KIAA1217: variants seen among roughly 807,000 people sequenced by gnomAD.
KIAA1217 encodes sickle tail protein homolog.
KIAA1217 carries 88 observed loss-of-function variants against 163.9 expected under a neutral mutation model. That is an observed-to-expected ratio of 0.54 (90% CI 0.45 to 0.64). The LOEUF is 0.64. KIAA1217 is among the 30% of genes least tolerant of loss of function. The pLI is 0.00. For missense variants in KIAA1217, 2,372 were observed against 2,475.0 expected (o/e 0.96, Z 0.88); for synonymous variants, 903 against 923.1 (o/e 0.98, Z 0.39).
rs1330907642 is a variant in KIAA1217, at chr10:24,474,005, G to A, written c.1624G>A (p.Glu542Lys). ...SLVDLGPPLM[E>K]KQVFAYSTAT... is the part of the protein sequence containing the mutation. Reference sequence around the variant, plus strand: ...TGTAGACCTCGGCCCTCCTCTAATGGAGAAGCAAGTTTTTGCCTACAGCAC... The same window carrying A: ...TGTAGACCTCGGCCCTCCTCTAATGAAGAAGCAAGTTTTTGCCTACAGCAC... Residue 542 changes from glutamate to lysine, a missense_variant, in exon 6 of 21, where the codon GAG becomes AAG. Physicochemically the swap from Glu to Lys is moderately conservative, Grantham distance 56. Around this residue, in one of 3 missense-constraint regions of KIAA1217, gnomAD observed 1,431 missense variants for 1,470.3 expected, o/e 0.97. Transcript: ENST00000376454. 4 of 1,611,892 alleles carry A rather than the reference G, an allele frequency of 2.5e-6. No individual in the cohort carries two copies. Among genetic ancestry groups the A allele is most frequent in the African/African-American group, 1.3e-5 (1 of 74,560 alleles).
chr10:23,990,330 T>A (rs891069280), intron 1 of KIAA1217, among the ~76,000 whole-genome samples: 1 of 152,222 alleles, frequency 6.6e-6, no homozygotes, highest in African/African-American at 2.4e-5. Context: ...TCTTTCTATT[T>A]GTCAGTTCTG....
intron 2 of KIAA1217, among the ~76,000 whole-genome samples, chr10:24,136,344 G>A (rs561337360): frequency 6.6e-5 from 10 of 152,168 alleles, no homozygotes; most frequent in South Asian, 2.1e-4. Flanking sequence ...AGAGGAAGGG[G>A]AGGGGAGTGG....
chr10:24,249,165 C>T (rs1426923499), intron 2 of KIAA1217, among the ~76,000 whole-genome samples: 1 of 152,166 alleles, frequency 6.6e-6, no homozygotes, highest in Non-Finnish European at 1.5e-5. Context: ...CTTATGTTTT[C>T]CCTGGACATA....
At chr10:24,234,479 T>C (rs1439989155) in intron 2 of KIAA1217, among the ~76,000 whole-genome samples, 1 of 151,656 alleles carries the variant, frequency 6.6e-6, no homozygotes, top group Non-Finnish European at 1.5e-5. Flanking sequence ...GCCTGGCCAA[T>C]ATGGTGAAAC....
intron 2 of KIAA1217, among the ~76,000 whole-genome samples, chr10:24,338,504 T>C (rs1353913153): frequency 6.6e-6 from 1 of 152,184 alleles, no homozygotes; most frequent in African/African-American, 2.4e-5. Flanking sequence ...AGAAAGCACC[T>C]CATGAAATTA....
chr10:23,955,379 T>C (rs1265843984), intron 1 of KIAA1217, among the ~76,000 whole-genome samples: 2 of 152,220 alleles, frequency 1.3e-5, no homozygotes, highest in Non-Finnish European at 2.9e-5. Flanking sequence ...TCCAAGGGGA[T>C]AGCTTCCCTC....
In KIAA1217 at chr10:23,790,283, G is replaced by GCACATATGCATATA; in HGVS notation, c.-321+95062_-321+95063insACACATATGCATAT. ...CATATGCATATGCACATATGCATAT[G>GCACATATGCATATA]CACATATGCATATGCACATATGCAT... is the stretch of plus-strand genomic sequence containing the variant. On this transcript the variant is annotated intron_variant, in intron 1 of 18. Coordinates refer to the KIAA1217 transcript ENST00000376462. Among the ~76,000 whole-genome samples, 4 of 1,274 alleles carry GCACATATGCATATA rather than the reference G, an allele frequency of 3.1e-3. 2 individuals are homozygous for GCACATATGCATATA. Among genetic ancestry groups the GCACATATGCATATA allele is most frequent in the Non-Finnish European group, 6.0e-3 (4 of 662 alleles). The allele number at this position is 1,274 out of a possible 152,430, so 0.8% of individuals were successfully genotyped here. A position where few individuals can be genotyped will look rare whatever the true frequency, so the allele number is the denominator to read the frequency against.
intron 2 of KIAA1217, among the ~76,000 whole-genome samples, chr10:24,025,323 A>G (rs980993919): frequency 6.6e-6 from 1 of 151,722 alleles, no homozygotes; most frequent in Non-Finnish European, 1.5e-5. Context: ...TCAATTGACC[A>G]CATATGTGTG....
At chr10:24,519,828 T>C (rs925467737) in intron 10 of KIAA1217, among the ~76,000 whole-genome samples, 1 of 152,080 alleles carries the variant, frequency 6.6e-6, no homozygotes, top group African/African-American at 2.4e-5. Context: ...TCTGTTGGCA[T>C]CAGCACCACT....
chr10:23,733,583 C>T (rs1278100030), intron 1 of KIAA1217, among the ~76,000 whole-genome samples: 1 of 151,722 alleles, frequency 6.6e-6, no homozygotes, highest in Non-Finnish European at 1.5e-5. Context: ...AGTTGTTATG[C>T]TGTGTTTGTT....
At chr10:24,185,687 C>G (rs932251409) in intron 2 of KIAA1217, among the ~76,000 whole-genome samples, 1 of 151,938 alleles carries the variant, frequency 6.6e-6, no homozygotes, top group Non-Finnish European at 1.5e-5. Flanking sequence ...TGCAGCTACT[C>G]GGGAGGTTGA....
intron 9 of KIAA1217, among the ~76,000 whole-genome samples, chr10:24,505,505 T>C (rs1745248344): frequency 6.6e-6 from 1 of 152,116 alleles, no homozygotes; most frequent in Non-Finnish European, 1.5e-5. Flanking sequence ...GCCACAGTAC[T>C]TGGATTTTAC....
rs12255248 is a variant in KIAA1217, at chr10:24,144,026, G to A, written c.-170-75600G>A. ...TGAATGTGCATGTTTGTTATCTGCA[G>A]TATTAGACTGGACTTAAATCTACAG... On this transcript the variant is annotated intron_variant, in intron 2 of 18. Coordinates refer to the KIAA1217 transcript ENST00000376462. 8.7e-3 allele frequency among the ~76,000 whole-genome samples: 1,319 copies of A among 152,252 alleles called. 22 individuals are homozygous for A. The highest frequency in any genetic ancestry group is 0.03 in the African/African-American group (1,239 of 41,552).
At chr10:23,889,457 G>A (rs371477932) in intron 1 of KIAA1217, among the ~76,000 whole-genome samples, 60 of 151,784 alleles carry the variant, frequency 4.0e-4, no homozygotes, top group South Asian at 8.3e-4. Flanking sequence ...TCTAATATCC[G>A]TTCTCATCTT....
intron 1 of KIAA1217, among the ~76,000 whole-genome samples, chr10:23,727,253 G>T (rs540753584): frequency 6.6e-6 from 1 of 151,714 alleles, no homozygotes; most frequent in Non-Finnish European, 1.5e-5. Flanking sequence ...GGCCTCCCAG[G>T]CATCTTTCTA....
chr10:23,780,295 C>G (rs1835198226), intron 1 of KIAA1217, among the ~76,000 whole-genome samples: 1 of 152,162 alleles, frequency 6.6e-6, no homozygotes, highest in African/African-American at 2.4e-5. Context: ...AAAATCTACT[C>G]TCTTAGCAAA....
chr10:23,829,042 C>T lies in KIAA1217; in HGVS notation c.-321+133808C>T, dbSNP rs528671889. On this transcript the variant is annotated intron_variant, in intron 1 of 18. Coordinates refer to the KIAA1217 transcript ENST00000376462. Reference sequence around the variant, plus strand: ...TGACATACATTGATATATGCAAAATCCCTTTTCCTAAGCACTTTTGCTTAA... The same window carrying T: ...TGACATACATTGATATATGCAAAATTCCTTTTCCTAAGCACTTTTGCTTAA... 9.2e-5 allele frequency among the ~76,000 whole-genome samples: 14 copies of T among 152,226 alleles called. No individual in the cohort carries two copies. The East Asian group carries it at 2.7e-3, about 29-fold the overall frequency.
chr10:23,852,508 G>C lies in KIAA1217; in HGVS notation c.-320-154717G>C, dbSNP rs563470917. ...GACTTGGCGATGCGGGCTCTTTTTT[G>C]GTTCCATATGAACTATAAGTAGTTT... On this transcript the variant is annotated intron_variant, in intron 1 of 18. Coordinates refer to the KIAA1217 transcript ENST00000376462. Among the ~76,000 whole-genome samples the C allele has an allele frequency of 2.1e-3, 319 of 152,198 alleles. 2 individuals carry two copies. Among genetic ancestry groups the C allele is most frequent in the African/African-American group, 7.5e-3 (311 of 41,530 alleles).
At chr10:24,255,462 A>C (rs777132261) in intron 2 of KIAA1217, 1 of 454,480 alleles carries the variant, frequency 2.2e-6, no homozygotes, top group South Asian at 1.6e-5. Flanking sequence ...AGAACATTAA[A>C]GGTCTGGCTG....
Sources: allele counts gnomAD v4.1 joint callset (sites outside exome capture counted in the v4.1 genomes callset), GRCh38; gene constraint gnomAD v4.1.1; regional missense constraint gnomAD v4.1.1; transcripts MANE v1.5; gene names NCBI Gene and HGNC (gene_info 2026-07-23, HGNC 2026-07-21).